CYFIP2: variants seen among roughly 807,000 people sequenced by gnomAD.
CYFIP2 encodes the protein cytoplasmic FMR1-interacting protein 2.
CYFIP2 carries 29 observed loss-of-function variants against 158.7 expected under a neutral mutation model. The observed-to-expected ratio is 0.18, with a 90% CI of 0.14 to 0.25. The LOEUF is 0.25. CYFIP2 is among the 10% of genes least tolerant of loss of function. CYFIP2 has a pLI of 1.00. For missense variants in CYFIP2, 852 were observed against 1,639.5 expected (o/e 0.52, Z 8.29); for synonymous variants, 585 against 617.6 (o/e 0.95, Z 0.78).
chr5:157,379,115 G>A (rs756290757), intron 26 of CYFIP2, among the ~76,000 whole-genome samples: 3 of 151,962 alleles, frequency 2.0e-5, no homozygotes, highest in Non-Finnish European at 2.9e-5. Flanking sequence ...TTCTTAATTA[G>A]CAACTTTAGA....
chr5:157,302,971 C>A, intron 7 of CYFIP2, 81 bp downstream of exon 7: 1 of 1,068,590 alleles, frequency 9.4e-7, no homozygotes, highest in Non-Finnish European at 1.4e-6. Context: ...GGACCACGAG[C>A]CCAAGCAGAC....
Position 157,304,309 on chromosome 5 carries a change from G to A in CYFIP2, c.738G>A (p.Val246=), listed in dbSNP as rs1172245973. The A allele has an allele frequency of 6.2e-7, 1 of 1,613,932 alleles. No homozygotes were observed. The highest frequency in any genetic ancestry group is 1.7e-5 in the Admixed American group (1 of 60,010). Residue 246 remains valine (V), a synonymous_variant, in exon 8 of 31, where the codon GTG becomes GTA. Coordinates refer to ENST00000620254, the MANE Select transcript of CYFIP2 (RefSeq NM_001037333.3). ...ELLADIVNIC[V]DYYENKMYLT... is the part of the protein sequence containing the mutation. ...TGGCTGACATTGTCAACATCTGTGT[G>A]GATTACTACGAGAACAAGATGTACC...
chr5:157,313,956 G>T (rs1759937331), intron 11 of CYFIP2, among the ~76,000 whole-genome samples: 1 of 152,174 alleles, frequency 6.6e-6, no homozygotes, highest in Non-Finnish European at 1.5e-5. Flanking sequence ...GAGGCTGGGT[G>T]TGGTGGCTCA....
At chr5:157,383,171 G>A (rs1396826872) in intron 27 of CYFIP2, 94 bp from the exon 28 acceptor site, 23 of 1,058,238 alleles carry the variant, frequency 2.2e-5, no homozygotes, top group South Asian at 2.0e-4. Context: ...TTTTTGGAAT[G>A]CAGATACATC....
intron 21 of CYFIP2, 78 bp downstream of exon 21, chr5:157,333,524 C>A: frequency 6.3e-7 from 1 of 1,598,172 alleles, no homozygotes; most frequent in South Asian, 1.1e-5. Flanking sequence ...TGTAGTTAGT[C>A]TAGTGCTGGG....
intron 26 of CYFIP2, chr5:157,363,869 T>A (rs1417627037): frequency 6.6e-6 from 1 of 152,202 alleles, no homozygotes; most frequent in Non-Finnish European, 1.5e-5. Flanking sequence ...CCAGAAAGGA[T>A]GCCTTGCCTC....
chr5:157,368,000 T>G (rs1764587486), intron 26 of CYFIP2, among the ~76,000 whole-genome samples: 1 of 152,112 alleles, frequency 6.6e-6, no homozygotes, highest in Non-Finnish European at 1.5e-5. Flanking sequence ...TCAAGTGATC[T>G]GCCCACCTCG....
rs946355222 is a variant in CYFIP2, at chr5:157,314,531, CT to C, written c.1230+69del. On this transcript the variant is annotated intron_variant, in intron 12 of 30. Coordinates refer to ENST00000620254, the MANE Select transcript of CYFIP2 (RefSeq NM_001037333.3). ...CCTTGGAATCTGCCTCCATCTCCCC[CT>C]AGCACTCTCTTTTTAACAGATTTAC... is the stretch of plus-strand genomic sequence containing the variant. 1.9e-5 allele frequency: 30 copies of C among 1,550,860 alleles called. No homozygotes were observed. In the Middle Eastern group the frequency reaches 5.5e-4, roughly 28 times the overall value.
Position 157,319,857 on chromosome 5 carries a change from G to T in CYFIP2, c.1452G>T (p.Gln484His). The change falls in exon 14 of 31, where the codon CAG becomes CAT. Residue 484 changes from glutamine to histidine, a missense_variant. Transcript: ENST00000620254. ...AIRNTIYAALQDFAQVTLREP... is the reference protein window; with the variant it reads ...AIRNTIYAALHDFAQVTLREP... ...GGAACACCATCTACGCGGCATTGCAGGACTTCGCCCAGGTGACGCTGCGTG... is the reference window on the plus strand; with the variant it reads ...GGAACACCATCTACGCGGCATTGCATGACTTCGCCCAGGTGACGCTGCGTG... 6.2e-7 allele frequency: 1 copy of T among 1,614,116 alleles called. No homozygotes were observed. Among genetic ancestry groups the T allele is most frequent in the Non-Finnish European group, 8.5e-7 (1 of 1,179,922 alleles).
chr5:157,322,882 C>T lies in CYFIP2; in HGVS notation c.1672-1039C>T, dbSNP rs1388252250. 2.1e-6 allele frequency: 3 copies of T among 1,442,998 alleles called. No individual in the cohort carries two copies. The South Asian group carries it at 3.7e-5, about 18-fold the overall frequency. The allele number at this position is 1,442,998 out of a possible 1,614,324, so 89.4% of individuals were successfully genotyped here. A position where few individuals can be genotyped will look rare whatever the true frequency, so the allele number is the denominator to read the frequency against. ...TCTCTCTCTCTCTTTCTCTCTCTCC[C>T]TCTTCCCTGTCTCTCCTGCCCTCCC... is the stretch of plus-strand genomic sequence containing the variant. On this transcript the variant is annotated intron_variant, in intron 15 of 30. Transcript: ENST00000620254.
intron 13 of CYFIP2, among the ~76,000 whole-genome samples, chr5:157,317,986 C>T: frequency 6.6e-6 from 1 of 152,172 alleles, no homozygotes. Context: ...ATTCCCTTTA[C>T]CTCTGTCCTG....
chr5:157,309,021 G>T (rs1050048987), intron 9 of CYFIP2, among the ~76,000 whole-genome samples: 1 of 152,196 alleles, frequency 6.6e-6, no homozygotes, highest in Non-Finnish European at 1.5e-5. Context: ...TTACATAGAT[G>T]ACTCAGAGCC....
chr5:157,286,996 G>A (rs371433380), intron 2 of CYFIP2, 23 bp from the exon 3 acceptor site: 23 of 1,604,016 alleles, frequency 1.4e-5, no homozygotes, highest in Admixed American at 1.7e-5. Context: ...CAACCAAAAT[G>A]TTCCTGTCCT....
At chr5:157,387,666 G>GGC (rs1273850046) in intron 28 of CYFIP2, among the ~76,000 whole-genome samples, 3 of 143,180 alleles carry the variant, frequency 2.1e-5, no homozygotes, top group Non-Finnish European at 4.6e-5. Flanking sequence ...CTCAAACACA[G>GGC]GCTCAGGATT....
chr5:157,323,400 C>A (rs1431606609), intron 15 of CYFIP2, among the ~76,000 whole-genome samples: 1 of 152,172 alleles, frequency 6.6e-6, no homozygotes, highest in East Asian at 1.9e-4. Flanking sequence ...TTCTCAGTTC[C>A]TCAGAATGTT....
chr5:157,362,180 AG>A (rs1191188079), intron 26 of CYFIP2, among the ~76,000 whole-genome samples: 1 of 152,200 alleles, frequency 6.6e-6, no homozygotes, highest in African/African-American at 2.4e-5. Context: ...TTTAAAATTT[AG>A]GGTCAGCAGA....
chr5:157,339,457 G>A (rs1012635261), intron 22 of CYFIP2, among the ~76,000 whole-genome samples: 3 of 151,752 alleles, frequency 2.0e-5, no homozygotes, highest in African/African-American at 7.3e-5. Context: ...TAACAATTAG[G>A]TCTTCTTTCA....
At position 157,320,841 on chromosome 5, in the gene CYFIP2, G is replaced by A. The variant is rs749900007; in HGVS notation, c.1671+39G>A. 41 of 1,499,760 alleles carry A rather than the reference G, an allele frequency of 2.7e-5. No individual in the cohort carries two copies. The South Asian group carries it at 5.0e-4, about 18-fold the overall frequency. The allele number at this position is 1,499,760 out of a possible 1,614,324, so 92.9% of individuals were successfully genotyped here. On this transcript the variant is annotated intron_variant, in intron 15 of 30. Coordinates refer to ENST00000620254, the MANE Select transcript of CYFIP2 (RefSeq NM_001037333.3). ...GGCACAGGCCAGCTGCGTTGACTCA[G>A]AGGCCAGCCGGGCTATGGTAGATCA...
chr5:157,300,977 G>A (rs1268066098), intron 6 of CYFIP2, 81 bp downstream of exon 6: 3 of 1,297,740 alleles, frequency 2.3e-6, no homozygotes, highest in Admixed American at 2.5e-5. Flanking sequence ...GAAGAGAATG[G>A]AGCCCCTCTC....
Sources: gnomAD v4.1 joint callset for allele counts (sites outside exome capture counted in the v4.1 genomes callset) on GRCh38, gnomAD v4.1.1 for gene constraint, MANE v1.5 for transcripts, NCBI Gene and HGNC (gene_info 2026-07-23, HGNC 2026-07-21) for gene names.